GBP7: variants seen among roughly 807,000 people sequenced by gnomAD.
GBP7 encodes the protein guanylate binding protein 7.
Under a neutral mutation model 61.3 loss-of-function variants are expected in GBP7, and 43 were observed. The observed-to-expected ratio is 0.70, with a 90% CI of 0.55 to 0.91. The LOEUF (loss-of-function observed/expected upper bound fraction) is 0.91, where lower values mean the gene tolerates loss of function less well. Ranked by LOEUF, GBP7 falls within the 40% of genes least tolerant of loss-of-function variation. The pLI is 0.00. For synonymous variants in GBP7, 267 were observed against 271.0 expected (o/e 0.99, Z 0.14); for missense variants, 717 against 740.5 (o/e 0.97, Z 0.37).
In GBP7 at chr1:89,171,928, G is replaced by C. The variant is rs762418654; in HGVS notation, c.8C>G (p.Ser3Ter). 2 of 1,612,146 alleles carry C rather than the reference G, an allele frequency of 1.2e-6. No homozygotes were observed. The highest frequency in any genetic ancestry group is 4.5e-5 in the East Asian group (2 of 44,888). ...CACTGGGCCTGGCATGTGGATCTCT[G>C]ATGCCATGTTCAGGGCGTTCCTCTG... MA[S>*]EIHMPGPVCL... The change falls in exon 2 of 11, where the codon TCA (serine) becomes TGA (stop). Residue 3 changes from serine (S) to a stop codon, truncating the protein, a stop_gained. Coordinates refer to ENST00000294671, the MANE Select transcript of GBP7 (RefSeq NM_207398.3). LOFTEE classifies it high-confidence loss of function.
In GBP7 at chr1:89,164,792, G is replaced by C. The variant is rs77749204; in HGVS notation, c.257C>G (p.Pro86Arg). The part of the protein sequence containing the change: ...KGIWMWCVPH[P>R]SKPNHTLILL... Reference sequence around the variant, plus strand: ...GATCAGGGTGTGGTTTGGCTTGGAGGGGTGGGGCACACACCACATCCAGAT... The same window carrying C: ...GATCAGGGTGTGGTTTGGCTTGGAGCGGTGGGGCACACACCACATCCAGAT... The change falls in exon 3 of 11, where the codon CCC (proline) becomes CGC (arginine). Residue 86 changes from proline (P) to arginine (R), a missense_variant. Physicochemically the swap from Pro to Arg is moderately radical, Grantham distance 103 (BLOSUM62 -2). Coordinates refer to ENST00000294671, the MANE Select transcript of GBP7 (RefSeq NM_207398.3). 2 of 1,613,670 alleles carry C rather than the reference G, an allele frequency of 1.2e-6. No individual in the cohort carries two copies. The highest frequency in any genetic ancestry group is 2.7e-5 in the African/African-American group (2 of 74,880).
intron 3 of GBP7, among the ~76,000 whole-genome samples, chr1:89,163,635 T>G (rs1230301702): frequency 6.6e-6 from 1 of 151,122 alleles, no homozygotes; most frequent in Non-Finnish European, 1.5e-5. Flanking sequence ...CTATTTTCAA[T>G]TTATACTCAG....
intron 7 of GBP7, 40 bp from the exon 8 acceptor site, chr1:89,147,819 G>A: frequency 6.2e-7 from 1 of 1,602,066 alleles, no homozygotes; most frequent in Non-Finnish European, 8.5e-7. Flanking sequence ...GAAAGAAGCT[G>A]TTAGAAGGGA....
intron 10 of GBP7, among the ~76,000 whole-genome samples, chr1:89,133,028 C>T (rs2100632518): frequency 1.3e-5 from 2 of 152,290 alleles, no homozygotes; most frequent in Middle Eastern, 6.8e-3. Context: ...AACAGCAGCC[C>T]AGCACCCTGG....
At chr1:89,167,965 A>G (rs539185746) in intron 2 of GBP7, among the ~76,000 whole-genome samples, 57 of 152,234 alleles carry the variant, frequency 3.7e-4, no homozygotes, top group Non-Finnish European at 6.3e-4. Context: ...CTAGCCAGCT[A>G]TATTTATGGT....
rs964891238 is a variant in GBP7 at position 89,171,347 on chromosome 1, A to G, written c.190+399T>C. Among the ~76,000 whole-genome samples the G allele has an allele frequency of 2.7e-4, 41 of 152,274 alleles. 1 individual carries two copies. Among genetic ancestry groups the G allele is most frequent in the African/African-American group, 9.9e-4 (41 of 41,546 alleles). The stretch of plus-strand genomic sequence containing the variant: ...CTGACACTGGACAACAGTCTCATGT[A>G]AAAGAGATAAGAGAAATTATAACCA... On this transcript the variant is annotated intron_variant, in intron 2 of 10. Transcript: ENST00000294671.
intron 9 of GBP7, among the ~76,000 whole-genome samples, chr1:89,139,834 CCT>C (rs1557452767): frequency 2.6e-5 from 4 of 152,028 alleles, no homozygotes; most frequent in African/African-American, 9.7e-5. Flanking sequence ...ACACTTTTAC[CCT>C]GTTGGTGGGA....
chr1:89,168,737 C>G (rs1647510427), intron 2 of GBP7, among the ~76,000 whole-genome samples: 1 of 151,868 alleles, frequency 6.6e-6, no homozygotes, highest in Non-Finnish European at 1.5e-5. Flanking sequence ...GAGTTCAAGA[C>G]CAGCCTGACC....
At chr1:89,167,179 CT>C (rs139800843) in intron 2 of GBP7, among the ~76,000 whole-genome samples, 3,131 of 152,296 alleles carry the variant, frequency 0.021, 35 homozygotes, top group Middle Eastern at 0.048. Flanking sequence ...TCATCAGCCC[CT>C]GAAACCATGC....
At chr1:89,159,693 ATTAAAAAG>A (rs1682392077) in intron 3 of GBP7, among the ~76,000 whole-genome samples, 1 of 152,226 alleles carries the variant, frequency 6.6e-6, no homozygotes, top group African/African-American at 2.4e-5. Context: ...AATGGCAATC[ATTAAAAAG>A]TCAGGAAACA....
chr1:89,159,687 G>A (rs75074497), intron 3 of GBP7, among the ~76,000 whole-genome samples: 99,293 of 152,020 alleles, frequency 0.65, 32,698 homozygotes, highest in East Asian at 0.78. Context: ...AGTTAGAATG[G>A]CAATCATTAA....
intron 5 of GBP7, 149 bp from the exon 6 acceptor site, chr1:89,150,724 T>C: frequency 3.8e-6 from 3 of 791,450 alleles, no homozygotes; most frequent in Non-Finnish European, 6.1e-6. Context: ...GCAACCAAAC[T>C]TATGCTAATC....
Position 89,164,714 on chromosome 1 carries a change from C to G in GBP7, c.318+17G>C, listed in dbSNP as rs757755942. On this transcript the variant is annotated intron_variant, in intron 3 of 10. Coordinates refer to ENST00000294671, the MANE Select transcript of GBP7 (RefSeq NM_207398.3). ...AGAATCAAAGGTAAAGAAGATTTCT[C>G]TATGTCTCTTTCTTACCTTTTCCAT... The G allele has an allele frequency of 1.9e-6, 3 of 1,612,130 alleles. No homozygotes were observed. The highest frequency in any genetic ancestry group is 2.2e-5 in the East Asian group (1 of 44,830).
intron 8 of GBP7, among the ~76,000 whole-genome samples, chr1:89,142,349 G>A (rs1300671741): frequency 2.0e-5 from 3 of 152,096 alleles, no homozygotes; most frequent in Admixed American, 2.0e-4. Flanking sequence ...CTCCCGGGCT[G>A]AATGCTGCTG....
intron 3 of GBP7, among the ~76,000 whole-genome samples, chr1:89,158,351 T>C (rs895230400): frequency 1.1e-4 from 16 of 152,196 alleles, no homozygotes; most frequent in African/African-American, 3.4e-4. Context: ...TGTTGGAAGT[T>C]CTGGCCAGGG....
intron 4 of GBP7, 71 bp from the exon 5 acceptor site, chr1:89,152,535 A>T: frequency 1.3e-6 from 2 of 1,534,526 alleles, no homozygotes. Flanking sequence ...AACAAGTTTT[A>T]TACACATTCC....
At chr1:89,137,215 T>C (rs12085146) in intron 9 of GBP7, among the ~76,000 whole-genome samples, 3,003 of 152,106 alleles carry the variant, frequency 0.02, 98 homozygotes, top group African/African-American at 0.067. Flanking sequence ...TAGTCAGTTC[T>C]GCCATACATA....
At chr1:89,169,065 G>T (rs917089306) in intron 2 of GBP7, among the ~76,000 whole-genome samples, 2 of 152,060 alleles carry the variant, frequency 1.3e-5, no homozygotes, top group African/African-American at 4.8e-5. Context: ...ACAGTTAAAG[G>T]CAAATGGAAA....
chr1:89,164,890 G>A (rs1647380210), intron 2 of GBP7, 32 bp from the exon 3 acceptor site: 2 of 1,610,484 alleles, frequency 1.2e-6, no homozygotes, highest in South Asian at 1.1e-5. Context: ...AACATATAGT[G>A]ACAGCAGAAT....
Sources: gnomAD v4.1 joint callset for allele counts (sites outside exome capture counted in the v4.1 genomes callset) on GRCh38, gnomAD v4.1.1 for gene constraint, MANE v1.5 for transcripts, NCBI Gene and HGNC (gene_info 2026-07-23, HGNC 2026-07-21) for gene names.